ECH1: variants seen among roughly 807,000 people sequenced by gnomAD.
ECH1 encodes enoyl-CoA hydratase 1, also known as delta(3,5)-Delta(2,4)-dienoyl-CoA isomerase, mitochondrial.
ECH1 carries 30 observed loss-of-function variants against 37.0 expected under a neutral mutation model. The ratio of observed to expected loss-of-function variants is 0.81; its 90% CI spans 0.61 to 1.10. The LOEUF is 1.10. Among genes scored for constraint, ECH1 ranks in the 50% least tolerant of loss-of-function variants. The probability of loss-of-function intolerance (pLI) is 0.00; values close to 1 mark genes in which losing one functional copy is unlikely to be tolerated. For synonymous variants in ECH1, 178 were observed against 176.0 expected (o/e 1.01, Z -0.09); for missense variants, 456 against 441.6 (o/e 1.03, Z -0.29).
intron 3 of ECH1, among the ~76,000 whole-genome samples, chr19:38,827,005 G>A (rs968108005): frequency 6.6e-6 from 1 of 150,988 alleles, no homozygotes; most frequent in Non-Finnish European, 1.5e-5. Flanking sequence ...AGGGACCAGG[G>A]CCCTCAGCAA....
In ECH1 at chr19:38,815,650, T is replaced by C; in HGVS notation, c.950A>G (p.Asn317Ser). 1 of 1,614,190 alleles carries C rather than the reference T, an allele frequency of 6.2e-7. No individual in the cohort carries two copies. The highest frequency in any genetic ancestry group is 8.5e-7 in the Non-Finnish European group (1 of 1,180,038). Residue 317 changes from asparagine to serine, a missense_variant, in exon 10 of 10, where the codon AAC becomes AGC. By Grantham distance (46) the Asn-to-Ser change is conservative. Transcript: ENST00000221418. ...GAAGGTGACGGTTTTCAGTTCCTTG[T>C]TCTCAGTCGTGGCCTGGACCGACTT... ...LVKSVQATTENKELKTVTFSK... is the reference protein window; with the variant it reads ...LVKSVQATTESKELKTVTFSK...
intron 3 of ECH1, among the ~76,000 whole-genome samples, chr19:38,819,390 C>G (rs549693337): frequency 3.9e-5 from 6 of 152,234 alleles, no homozygotes; most frequent in African/African-American, 1.4e-4. Flanking sequence ...CCTGGCTCAA[C>G]GATGGCCCCA....
chr19:38,818,931 G>GCGCGCGCGCA (rs777285072), intron 3 of ECH1, among the ~76,000 whole-genome samples: 16 of 127,226 alleles, frequency 1.3e-4, no homozygotes, highest in South Asian at 5.9e-4. Flanking sequence ...GTGTGTGTGT[G>GCGCGCGCGCA]TGCACTGTTC....
intron 3 of ECH1, chr19:38,817,799 G>C: frequency 1.0e-6 from 1 of 967,358 alleles, no homozygotes; most frequent in Non-Finnish European, 1.2e-6. Context: ...CACAGCAACC[G>C]TACCAGCTAG....
At chr19:38,817,389 G>T (rs1431426893) in intron 4 of ECH1, 25 bp from the exon 5 acceptor site, 1 of 1,604,822 alleles carries the variant, frequency 6.2e-7, no homozygotes, top group Non-Finnish European at 8.5e-7. Context: ...GAAGAGTGGG[G>T]TCAGGGCTGG....
chr19:38,817,718 G>T, intron 3 of ECH1, 143 bp from the exon 4 acceptor site: 2 of 1,420,740 alleles, frequency 1.4e-6, no homozygotes, highest in African/African-American at 1.4e-5. Flanking sequence ...GACTTGGTGA[G>T]GGATTGATTG....
intron 8 of ECH1, 50 bp downstream of exon 8, chr19:38,816,234 C>G: frequency 6.2e-7 from 1 of 1,605,024 alleles, no homozygotes; most frequent in Non-Finnish European, 8.5e-7. Flanking sequence ...GCCTCCAACC[C>G]TCCAGGCCTG....
intron 9 of ECH1, 43 bp downstream of exon 9, chr19:38,815,814 G>A (rs755934996): frequency 6.2e-7 from 1 of 1,613,298 alleles, no homozygotes; most frequent in South Asian, 1.1e-5. Context: ...TTGGTCGCCT[G>A]GGGTTAGAGG....
At chr19:38,829,945 C>G (rs1393308250) in intron 3 of ECH1, among the ~76,000 whole-genome samples, 1 of 152,086 alleles carries the variant, frequency 6.6e-6, no homozygotes, top group Non-Finnish European at 1.5e-5. Flanking sequence ...GACCTGAGGT[C>G]AGGAGTTTAA....
intron 3 of ECH1, among the ~76,000 whole-genome samples, chr19:38,824,368 G>C (rs1164429985): frequency 6.6e-6 from 1 of 152,162 alleles, no homozygotes; most frequent in Non-Finnish European, 1.5e-5. Context: ...GCAGGGTACA[G>C]GGACTGTTGC....
chr19:38,827,243 G>A (rs944398612), intron 3 of ECH1, among the ~76,000 whole-genome samples: 1 of 152,166 alleles, frequency 6.6e-6, no homozygotes, highest in Non-Finnish European at 1.5e-5. Flanking sequence ...TGACAACAGG[G>A]CCTGGGACTG....
intron 3 of ECH1, among the ~76,000 whole-genome samples, chr19:38,821,876 G>A (rs1971668557): frequency 6.6e-6 from 1 of 152,258 alleles, no homozygotes; most frequent in Admixed American, 6.5e-5. Context: ...GGGCTGAGGA[G>A]TGCTCCGCCT....
intron 3 of ECH1, among the ~76,000 whole-genome samples, chr19:38,830,203 A>T (rs1020113873): frequency 6.6e-6 from 1 of 152,232 alleles, no homozygotes; most frequent in Non-Finnish European, 1.5e-5. Context: ...GAGATGACTA[A>T]ACAGTTAGTA....
chr19:38,830,867 A>T (rs1010453093), intron 3 of ECH1: 1 of 571,634 alleles, frequency 1.7e-6, no homozygotes, highest in Admixed American at 3.1e-5. Context: ...CAGACAGAAG[A>T]ATTGCTTGAA....
In ECH1 at chr19:38,816,476, C is replaced by T. The variant is rs749384760; in HGVS notation, c.636G>A (p.Leu212=). 6.2e-7 allele frequency: 1 copy of T among 1,614,180 alleles called. No homozygotes were observed. Among genetic ancestry groups the T allele is most frequent in the Non-Finnish European group, 8.5e-7 (1 of 1,180,008 alleles). The change falls in exon 7 of 10, where the codon CTG becomes CTA. Residue 212 remains leucine, a synonymous_variant. Coordinates refer to ENST00000221418, the MANE Select transcript of ECH1 (RefSeq NM_001398.3). Reference sequence around the variant, plus strand: ...ACCTCTGGTTCCCGATGACCTTGGGCAGGCGCTGCAGTGTTCCTACATCGG... The same window carrying T: ...ACCTCTGGTTCCCGATGACCTTGGGTAGGCGCTGCAGTGTTCCTACATCGG... The part of the protein sequence containing the change: ...LAADVGTLQR[L]PKVIGNQSLV...
In ECH1 at chr19:38,817,143, G is replaced by A. The variant is rs2145369809; in HGVS notation, c.524-14C>T. ...CAAGGTCCACACCTAGGAGGTAGAGGCCAGGGATGCTGAATGACCACCAGA... is the reference window on the plus strand; with the variant it reads ...CAAGGTCCACACCTAGGAGGTAGAGACCAGGGATGCTGAATGACCACCAGA... On this transcript the variant is annotated splice_polypyrimidine_tract_variant and intron_variant, in intron 5 of 9. Coordinates refer to ENST00000221418, the MANE Select transcript of ECH1 (RefSeq NM_001398.3). 1 of 1,562,912 alleles carries A rather than the reference G, an allele frequency of 6.4e-7. No individual in the cohort carries two copies. Among genetic ancestry groups the A allele is most frequent in the South Asian group, 1.2e-5 (1 of 84,746 alleles).
intron 3 of ECH1, among the ~76,000 whole-genome samples, chr19:38,828,413 G>C (rs564170577): frequency 2.0e-5 from 3 of 151,662 alleles, no homozygotes; most frequent in Non-Finnish European, 4.4e-5. Flanking sequence ...TGTATTTTTA[G>C]TACAGACGGG....
At chr19:38,826,234 A>G (rs1212539024) in intron 3 of ECH1, among the ~76,000 whole-genome samples, 4 of 152,202 alleles carry the variant, frequency 2.6e-5, no homozygotes, top group Non-Finnish European at 5.9e-5. Context: ...ATGGGGAACA[A>G]GTTACCCATT....
rs1048116064 is a variant in ECH1, at chr19:38,831,535, C to A, written c.53-19G>T. 1.2e-6 allele frequency: 2 copies of A among 1,604,698 alleles called. No homozygotes were observed. The highest frequency in any genetic ancestry group is 1.7e-6 in the Non-Finnish European group (2 of 1,174,398). On this transcript the variant is annotated intron_variant, in intron 1 of 9. Transcript: ENST00000221418. ...GTCAGTCCTGGGGAGAAAGGAACAG[C>A]CTTTGATGACCCCAGACTGCAAGAC...
Sources: allele counts gnomAD v4.1 joint callset (sites outside exome capture counted in the v4.1 genomes callset), GRCh38; gene constraint gnomAD v4.1.1; transcripts MANE v1.5; gene names NCBI Gene and HGNC (gene_info 2026-07-23, HGNC 2026-07-21).